Variants in CTNND2 observed in about 807,000 individuals in gnomAD.
CTNND2 encodes catenin delta 2.
Under a neutral mutation model 144.4 loss-of-function variants are expected in CTNND2, and 22 were observed. The ratio of observed to expected loss-of-function variants is 0.15; its 90% CI spans 0.11 to 0.22. CTNND2 has a LOEUF of 0.22. Ranked by LOEUF, CTNND2 falls within the 10% of genes least tolerant of loss-of-function variation. The probability of loss-of-function intolerance (pLI) is 1.00; values close to 1 mark genes in which losing one functional copy is unlikely to be tolerated. For synonymous variants in CTNND2, 751 were observed against 695.6 expected, an observed-to-expected ratio of 1.08 and a Z score of -1.25; for missense variants, 1,353 against 1,618.8, an observed-to-expected ratio of 0.84 and a Z score of 2.82.
chr5:11,559,979 C>T (rs1776557866), intron 3 of CTNND2, among the ~76,000 whole-genome samples: 2 of 152,208 alleles, frequency 1.3e-5, no homozygotes, highest in South Asian at 2.1e-4. Flanking sequence ...GCAGCCTCCA[C>T]CTGCTTTGTT....
chr5:11,560,047 C>G (rs1053177532), intron 3 of CTNND2, among the ~76,000 whole-genome samples: 2 of 152,132 alleles, frequency 1.3e-5, no homozygotes, highest in Non-Finnish European at 2.9e-5. Flanking sequence ...ATTCTTCCTG[C>G]CTTGCTCTGC....
chr5:11,807,070 T>C (rs932340383), intron 1 of CTNND2, among the ~76,000 whole-genome samples: 2 of 152,178 alleles, frequency 1.3e-5, no homozygotes, highest in African/African-American at 4.8e-5. Context: ...TCAATGCTTA[T>C]ATCACCCCTG....
At chr5:11,700,207 C>A (rs10043612) in intron 2 of CTNND2, among the ~76,000 whole-genome samples, 19 of 152,038 alleles carry the variant, frequency 1.2e-4, no homozygotes, top group African/African-American at 4.3e-4. Flanking sequence ...TGGCCAACAT[C>A]GTGAAACCCC....
At chr5:11,466,002 T>C (rs1160326005) in intron 3 of CTNND2, among the ~76,000 whole-genome samples, 1 of 152,082 alleles carries the variant, frequency 6.6e-6, no homozygotes, top group Non-Finnish European at 1.5e-5. Flanking sequence ...TTTTCTAACT[T>C]AAAAAAACAA....
intron 3 of CTNND2, among the ~76,000 whole-genome samples, chr5:11,491,870 C>T (rs975026181): frequency 1.3e-5 from 2 of 152,162 alleles, no homozygotes; most frequent in Admixed American, 6.6e-5. Context: ...CTACTTGTGA[C>T]GCATTCTAGT....
intron 6 of CTNND2, among the ~76,000 whole-genome samples, chr5:11,393,964 C>A (rs1312055072): frequency 6.6e-6 from 1 of 152,094 alleles, no homozygotes; most frequent in Non-Finnish European, 1.5e-5. Context: ...TCCACTGTAG[C>A]CACTCTGGCA....
chr5:11,113,130 G>A (rs1273072433), intron 13 of CTNND2, among the ~76,000 whole-genome samples: 1 of 152,032 alleles, frequency 6.6e-6, no homozygotes, highest in Non-Finnish European at 1.5e-5. Flanking sequence ...AACACAGTGA[G>A]ACTCCATCTC....
At chr5:11,607,980 A>G (rs987846487) in intron 2 of CTNND2, among the ~76,000 whole-genome samples, 1 of 152,154 alleles carries the variant, frequency 6.6e-6, no homozygotes, top group Non-Finnish European at 1.5e-5. Flanking sequence ...AAAATACAAC[A>G]TCTCTGAATT....
chr5:10,975,442 CT>C (rs1736342094), intron 21 of CTNND2, among the ~76,000 whole-genome samples: 1 of 152,190 alleles, frequency 6.6e-6, no homozygotes, highest in South Asian at 2.1e-4. Context: ...ATCTGTCTGT[CT>C]TCCTATCCAC....
intron 1 of CTNND2, among the ~76,000 whole-genome samples, chr5:11,899,611 C>T (rs1737694919): frequency 1.3e-5 from 2 of 152,060 alleles, no homozygotes; most frequent in African/African-American, 2.4e-5. Context: ...CCTAGATAAC[C>T]TATTTAATTA....
rs914147044 is a variant in CTNND2 at position 11,084,971 on chromosome 5, G to A, written c.2638-2125C>T. ...CCTCCATGCTCAGTCTCCCAGATAT[G>A]ACCTAGCCTTTCCCTCCATCCTTCC... On this transcript the variant is annotated intron_variant, in intron 15 of 21. Coordinates refer to ENST00000304623, the MANE Select transcript of CTNND2 (RefSeq NM_001332.4). Among the ~76,000 whole-genome samples the A allele has an allele frequency of 4.6e-5, 7 of 151,986 alleles. No homozygotes were observed. The South Asian group carries it at 1.5e-3, about 32-fold the overall frequency.
intron 1 of CTNND2, among the ~76,000 whole-genome samples, chr5:11,780,524 G>A (rs1276661702): frequency 5.3e-5 from 8 of 152,134 alleles, no homozygotes; most frequent in Non-Finnish European, 1.0e-4. Flanking sequence ...CAGAGGCTAT[G>A]GGGGACATGT....
chr5:11,573,135 T>G (rs2561617), intron 2 of CTNND2, among the ~76,000 whole-genome samples: 42,779 of 151,892 alleles, frequency 0.28, 6,685 homozygotes, highest in African/African-American at 0.42. Flanking sequence ...GACAATCAAA[T>G]GCCTACCTTA....
intron 3 of CTNND2, among the ~76,000 whole-genome samples, chr5:11,430,121 G>A (rs184074167): frequency 2.8e-3 from 421 of 151,616 alleles, no homozygotes; most frequent in African/African-American, 9.8e-3. Context: ...GTGGTGTCGC[G>A]TGCCTGTAGT....
intron 10 of CTNND2, among the ~76,000 whole-genome samples, chr5:11,230,803 T>C (rs1740917081): frequency 6.6e-6 from 1 of 152,220 alleles, no homozygotes; most frequent in African/African-American, 2.4e-5. Flanking sequence ...TTTAAAAACT[T>C]GCTGATCTAC....
At chr5:11,762,746 G>T (rs1789344261) in intron 1 of CTNND2, among the ~76,000 whole-genome samples, 1 of 152,120 alleles carries the variant, frequency 6.6e-6, no homozygotes, top group African/African-American at 2.4e-5. Flanking sequence ...CTTCCACATG[G>T]ACTGGTCAAA....
Position 11,392,101 on chromosome 5 carries a change from A to C in CTNND2, c.612+4930T>G, listed in dbSNP as rs892586747. Among the ~76,000 whole-genome samples, 3 of 152,338 alleles carry C rather than the reference A, an allele frequency of 2.0e-5. No individual in the cohort carries two copies. The East Asian group carries it at 5.8e-4, about 29-fold the overall frequency. On this transcript the variant is annotated intron_variant, in intron 6 of 21. Transcript: ENST00000304623. ...AGAAAGTGAGAGAGAGAAATTTTGC[A>C]AACTATTTTGTCTCTGCCACTGCAG...
intron 7 of CTNND2, among the ~76,000 whole-genome samples, chr5:11,367,635 TATA>T (rs1171932693): frequency 1.3e-5 from 2 of 152,198 alleles, no homozygotes; most frequent in Non-Finnish European, 2.9e-5. Flanking sequence ...ACTCTGTTAT[TATA>T]ATAAGAAAAA....
chr5:11,284,926 T>C lies in CTNND2; in HGVS notation c.1629-48103A>G, dbSNP rs1197893619. On this transcript the variant is annotated intron_variant, in intron 9 of 21. Transcript: ENST00000304623. ...GCAGAAACCAGAAATCTGCTTCTTT[T>C]GTGTCACAGGGGTCTGGTGGCCTGA... Among the ~76,000 whole-genome samples the C allele has an allele frequency of 2.0e-5, 3 of 152,208 alleles. No individual in the cohort carries two copies. The East Asian group carries it at 5.8e-4, about 29-fold the overall frequency.
Sources: allele counts gnomAD v4.1 joint callset (sites outside exome capture counted in the v4.1 genomes callset), GRCh38; gene constraint gnomAD v4.1.1; transcripts MANE v1.5; gene names NCBI Gene and HGNC (gene_info 2026-07-23, HGNC 2026-07-21).